The following THRB variants were observed in gnomAD, a reference collection of about 807,000 sequenced individuals.
THRB encodes the protein thyroid hormone receptor beta.
In THRB, 12 loss-of-function variants were observed where a neutral mutation model predicts 47.8. The observed-to-expected ratio is 0.25, with a 90% CI of 0.16 to 0.41. The LOEUF is 0.41. THRB is among the 10% of genes least tolerant of loss of function. The probability of loss-of-function intolerance (pLI) is 1.00; values close to 1 mark genes in which losing one functional copy is unlikely to be tolerated. For synonymous variants in THRB, 218 were observed against 212.2 expected, an observed-to-expected ratio of 1.03 and a Z score of -0.24; for missense variants, 348 against 589.2, an observed-to-expected ratio of 0.59 and a Z score of 4.24.
intron 2 of THRB, among the ~76,000 whole-genome samples, chr3:24,314,425 T>A (rs1388494714): frequency 6.6e-6 from 1 of 152,182 alleles, no homozygotes; most frequent in Non-Finnish European, 1.5e-5. Flanking sequence ...AAACAAGAGA[T>A]CTTTAAATGT....
intron 1 of THRB, among the ~76,000 whole-genome samples, chr3:24,383,046 C>T (rs1326710942): frequency 6.6e-6 from 1 of 152,074 alleles, no homozygotes; most frequent in African/African-American, 2.4e-5. Flanking sequence ...CACAATCATC[C>T]CTTCCTCAGA....
intron 4 of THRB, among the ~76,000 whole-genome samples, chr3:24,222,176 C>G (rs1047956915): frequency 6.6e-6 from 1 of 152,174 alleles, no homozygotes; most frequent in Non-Finnish European, 1.5e-5. Context: ...AGGTGCTGGT[C>G]TCCTCTCTTC....
At chr3:24,283,625 G>A (rs2054881199) in intron 3 of THRB, among the ~76,000 whole-genome samples, 1 of 147,120 alleles carries the variant, frequency 6.8e-6, no homozygotes, top group African/African-American at 2.6e-5. Flanking sequence ...ATTCAATTAG[G>A]AAAAGAGGAA....
chr3:24,122,852 C>T lies in THRB; in HGVS notation c.*32G>A. On this transcript the variant is annotated 3_prime_UTR_variant, in exon 11 of 11. Coordinates refer to ENST00000646209, the MANE Select transcript of THRB (RefSeq NM_001354712.2). Reference sequence around the variant, plus strand: ...TGGAATGAAATGACACCCAGTAGTGCTGTAGGAATTATGAGAATGAATCCA... The same window carrying T: ...TGGAATGAAATGACACCCAGTAGTGTTGTAGGAATTATGAGAATGAATCCA... The T allele has an allele frequency of 6.2e-7, 1 of 1,614,096 alleles. No homozygotes were observed. Among genetic ancestry groups the T allele is most frequent in the Non-Finnish European group, 8.5e-7 (1 of 1,179,956 alleles).
At chr3:24,406,219 C>A (rs1420670928) in intron 1 of THRB, among the ~76,000 whole-genome samples, 1 of 151,196 alleles carries the variant, frequency 6.6e-6, no homozygotes, top group Non-Finnish European at 1.5e-5. Context: ...AATTTATATT[C>A]CTTCTTATTT....
At chr3:24,289,440 T>A (rs62253752) in intron 3 of THRB, among the ~76,000 whole-genome samples, 1 of 152,102 alleles carries the variant, frequency 6.6e-6, no homozygotes, top group Non-Finnish European at 1.5e-5. Flanking sequence ...TTCAAAGAGA[T>A]TGCATTCCAT....
chr3:24,471,045 C>A (rs2074530243), intron 1 of THRB, among the ~76,000 whole-genome samples: 1 of 152,182 alleles, frequency 6.6e-6, no homozygotes, highest in South Asian at 2.1e-4. Flanking sequence ...TAACTGGTTG[C>A]CTGAATTTTC....
chr3:24,245,530 C>T (rs994331197), intron 3 of THRB, among the ~76,000 whole-genome samples: 2 of 152,022 alleles, frequency 1.3e-5, no homozygotes, highest in Admixed American at 6.6e-5. Context: ...ACAAAAAAAC[C>T]CAACTTTACA....
intron 1 of THRB, among the ~76,000 whole-genome samples, chr3:24,400,371 AT>A (rs532578305): frequency 6.6e-6 from 1 of 151,940 alleles, no homozygotes; most frequent in African/African-American, 2.4e-5. Context: ...TGAGACCTAG[AT>A]TTTTTTTATG....
intron 3 of THRB, among the ~76,000 whole-genome samples, chr3:24,236,563 A>AG (rs919237320): frequency 6.6e-6 from 1 of 152,146 alleles, no homozygotes; most frequent in Non-Finnish European, 1.5e-5. Context: ...AGCTTACCTG[A>AG]GGTCATTTAA....
At chr3:24,130,919 T>C (rs747123549) in intron 9 of THRB, among the ~76,000 whole-genome samples, 1 of 152,208 alleles carries the variant, frequency 6.6e-6, no homozygotes, top group African/African-American at 2.4e-5. Flanking sequence ...ATGTATTCTT[T>C]GGAATACTAT....
At chr3:24,386,976 G>C (rs1364537091) in intron 1 of THRB, among the ~76,000 whole-genome samples, 3 of 152,068 alleles carry the variant, frequency 2.0e-5, no homozygotes, top group Non-Finnish European at 4.4e-5. Flanking sequence ...GGACCTTCAA[G>C]TCATCATCAT....
At chr3:24,424,440 G>T (rs2069564270) in intron 1 of THRB, among the ~76,000 whole-genome samples, 7 of 151,948 alleles carry the variant, frequency 4.6e-5, no homozygotes, top group Admixed American at 3.3e-4. Flanking sequence ...GGGTTCCTTA[G>T]TAAGCAGCAT....
intron 2 of THRB, among the ~76,000 whole-genome samples, chr3:24,335,728 C>A (rs1210007152): frequency 1.3e-5 from 2 of 152,152 alleles, no homozygotes; most frequent in Admixed American, 6.5e-5. Flanking sequence ...TTTTCTAGAA[C>A]TACATAAAAT....
At chr3:24,255,687 A>T (rs2051192267) in intron 3 of THRB, among the ~76,000 whole-genome samples, 1 of 152,230 alleles carries the variant, frequency 6.6e-6, no homozygotes, top group Non-Finnish European at 1.5e-5. Context: ...GTACTTATGT[A>T]CAGGGTGATA....
At chr3:24,430,132 A>G (rs1379680097) in intron 1 of THRB, 3 of 152,138 alleles carry the variant, frequency 2.0e-5, no homozygotes, top group African/African-American at 4.8e-5. Context: ...TTAGTGACCC[A>G]TTGTGGAGTT....
chr3:24,295,691 C>T (rs189327480), intron 3 of THRB, among the ~76,000 whole-genome samples: 5 of 152,112 alleles, frequency 3.3e-5, no homozygotes, highest in Admixed American at 3.3e-4. Context: ...AGGAAAACCC[C>T]GTATCACAGA....
intron 3 of THRB, among the ~76,000 whole-genome samples, chr3:24,267,637 A>G (rs183509179): frequency 4.6e-5 from 7 of 152,194 alleles, no homozygotes; most frequent in Admixed American, 4.6e-4. Context: ...TCCTCCACCA[A>G]CCCTCAGGTC....
chr3:24,273,470 T>G (rs2053564895), intron 3 of THRB, among the ~76,000 whole-genome samples: 2 of 152,190 alleles, frequency 1.3e-5, no homozygotes, highest in African/African-American at 4.8e-5. Flanking sequence ...TAGAATAAAT[T>G]GTGCCTGTCA....
Sources: allele counts gnomAD v4.1 joint callset (sites outside exome capture counted in the v4.1 genomes callset), GRCh38; gene constraint gnomAD v4.1.1; transcripts MANE v1.5; gene names NCBI Gene and HGNC (gene_info 2026-07-23, HGNC 2026-07-21).